SV2C: variants seen among roughly 807,000 people sequenced by gnomAD.
SV2C encodes the protein solute carrier family 22 member B3.
In SV2C, 49 loss-of-function variants were observed where a neutral mutation model predicts 79.7. That is an observed-to-expected ratio of 0.61 (90% CI 0.49 to 0.78). The LOEUF is 0.78. Ranked by LOEUF, SV2C falls within the 30% of genes least tolerant of loss-of-function variation. SV2C has a pLI of 0.00. For missense variants in SV2C, 833 were observed against 912.9 expected, an observed-to-expected ratio of 0.91 and a Z score of 1.13; for synonymous variants, 334 against 333.2, an observed-to-expected ratio of 1.00 and a Z score of -0.03.
intron 12 of SV2C, among the ~76,000 whole-genome samples, chr5:76,343,866 T>A (rs1274475868): frequency 2.6e-5 from 4 of 152,080 alleles, no homozygotes; most frequent in Non-Finnish European, 5.9e-5. Context: ...ACAAAAACTA[T>A]GAAAATTAAC....
At chr5:75,875,222 C>T in the SV2C span, among the ~76,000 whole-genome samples, 16 of 151,872 alleles carry the variant, frequency 1.1e-4, no homozygotes, top group Non-Finnish European at 4.4e-5. Flanking sequence ...AGTACTGGTA[C>T]AAAAAAAGGC....
intron 4 of SV2C, among the ~76,000 whole-genome samples, chr5:76,257,008 C>T (rs1746288514): frequency 6.6e-6 from 1 of 152,188 alleles, no homozygotes. Context: ...GCTTAATCTA[C>T]CTCTGTATCA....
chr5:75,872,843 G>A, the SV2C span, among the ~76,000 whole-genome samples: 4 of 151,750 alleles, frequency 2.6e-5, no homozygotes, highest in Non-Finnish European at 4.4e-5. Context: ...ACACCAACAT[G>A]GCACATGTAT....
chr5:76,081,624 C>A (rs558313209), upstream of SV2C, among the ~76,000 whole-genome samples: 1 of 152,190 alleles, frequency 6.6e-6, no homozygotes, highest in South Asian at 2.1e-4. Context: ...GCCTGACCAT[C>A]TCATAGCACC....
At chr5:76,054,616 T>G in the SV2C span, among the ~76,000 whole-genome samples, 5 of 152,202 alleles carry the variant, frequency 3.3e-5, 1 homozygote, top group Non-Finnish European at 1.5e-5. Context: ...ACCAACAGTG[T>G]AAAAGCATTC....
chr5:76,207,076 T>C (rs1232575075), intron 3 of SV2C, among the ~76,000 whole-genome samples: 1 of 151,914 alleles, frequency 6.6e-6, no homozygotes, highest in Non-Finnish European at 1.5e-5. Flanking sequence ...TAGAAGCCCC[T>C]ACAAGTTGGT....
At chr5:75,971,226 T>C in the SV2C span, among the ~76,000 whole-genome samples, 2 of 152,082 alleles carry the variant, frequency 1.3e-5, no homozygotes, top group African/African-American at 4.8e-5. Context: ...TCATACTGAA[T>C]GGACAAAAAC....
chr5:75,959,889 T>G, the SV2C span, among the ~76,000 whole-genome samples: 1 of 152,000 alleles, frequency 6.6e-6, no homozygotes. Flanking sequence ...CAATATTCTT[T>G]TAAAGACCTA....
At chr5:76,088,280 T>C (rs1747262695) in intron 1 of SV2C, among the ~76,000 whole-genome samples, 1 of 152,246 alleles carries the variant, frequency 6.6e-6, no homozygotes, top group Non-Finnish European at 1.5e-5. Flanking sequence ...TGAATTTAGA[T>C]AAACAATAAA....
chr5:76,045,765 G>T, the SV2C span, among the ~76,000 whole-genome samples: 1 of 152,046 alleles, frequency 6.6e-6, no homozygotes, highest in South Asian at 2.1e-4. Context: ...GTGGTAATTT[G>T]CTGTTTACTT....
the SV2C span, among the ~76,000 whole-genome samples, chr5:76,047,146 G>A: frequency 3.3e-5 from 5 of 152,174 alleles, no homozygotes; most frequent in East Asian, 3.9e-4. Context: ...AATCATAAGC[G>A]TACAGCTTGA....
intron 4 of SV2C, among the ~76,000 whole-genome samples, chr5:76,241,758 C>G (rs571245715): frequency 4.6e-5 from 7 of 152,270 alleles, no homozygotes; most frequent in Admixed American, 3.9e-4. Context: ...GGGAATCCCT[C>G]CTCCTGGAAG....
chr5:76,208,628 CT>C (rs1744679542), intron 3 of SV2C, among the ~76,000 whole-genome samples: 1 of 152,106 alleles, frequency 6.6e-6, no homozygotes, highest in African/African-American at 2.4e-5. Context: ...TCAGTTATTG[CT>C]AAATAAATAA....
At chr5:76,202,295 ACT>A (rs1324728612) in intron 3 of SV2C, among the ~76,000 whole-genome samples, 1 of 152,154 alleles carries the variant, frequency 6.6e-6, no homozygotes, top group Non-Finnish European at 1.5e-5. Context: ...GTAAATATTG[ACT>A]CTCATCAGTG....
At chr5:76,223,257 T>C (rs955900167) in intron 4 of SV2C, among the ~76,000 whole-genome samples, 5 of 151,436 alleles carry the variant, frequency 3.3e-5, no homozygotes, top group African/African-American at 1.2e-4. Flanking sequence ...GGGCAACATA[T>C]ATTCTATAAA....
chr5:76,312,561 C>T (rs1390263937), intron 12 of SV2C, among the ~76,000 whole-genome samples: 2 of 152,166 alleles, frequency 1.3e-5, no homozygotes, highest in African/African-American at 4.8e-5. Context: ...CCATTAGGGG[C>T]CATCTTTACC....
intron 8 of SV2C, 35 bp downstream of exon 8, chr5:76,291,891 G>T: frequency 1.4e-6 from 2 of 1,460,354 alleles, no homozygotes; most frequent in South Asian, 2.4e-5. Context: ...AAGCAAAATC[G>T]TTCAATGTCC....
chr5:76,004,634 T>C, the SV2C span, among the ~76,000 whole-genome samples: 1 of 152,180 alleles, frequency 6.6e-6, no homozygotes, highest in African/African-American at 2.4e-5. Flanking sequence ...GGTTTCTTGA[T>C]AATGCTGTTG....
chr5:76,323,235 C>CAGAT (rs1376146284), intron 12 of SV2C, among the ~76,000 whole-genome samples: 1 of 152,136 alleles, frequency 6.6e-6, no homozygotes, highest in Non-Finnish European at 1.5e-5. Flanking sequence ...AGGATATGAA[C>CAGAT]AGATACTTCT....
Sources: gnomAD v4.1 joint callset for allele counts (sites outside exome capture counted in the v4.1 genomes callset) on GRCh38, gnomAD v4.1.1 for gene constraint, MANE v1.5 for transcripts, NCBI Gene and HGNC (gene_info 2026-07-23, HGNC 2026-07-21) for gene names.